The following ABCC8 variants were observed in gnomAD, a reference collection of about 807,000 sequenced individuals.
The protein encoded by ABCC8 is ATP-binding cassette sub-family C member 8.
Under a neutral mutation model 188.0 loss-of-function variants are expected in ABCC8, and 137 were observed. That is an observed-to-expected ratio of 0.73 (90% CI 0.63 to 0.84). The LOEUF (loss-of-function observed/expected upper bound fraction) is 0.84, where lower values mean the gene tolerates loss of function less well. Ranked by LOEUF, ABCC8 falls within the 40% of genes least tolerant of loss-of-function variation. The pLI, the probability that ABCC8 is intolerant of heterozygous loss-of-function variation, is 0.00. For missense variants in ABCC8, 1,750 were observed against 2,072.7 expected (o/e 0.84, Z 3.02); for synonymous variants, 797 against 846.5 (o/e 0.94, Z 1.01).
In ABCC8 at chr11:17,395,285, G is replaced by A. The variant is rs2133398967; in HGVS notation, c.4308-10C>T. On this transcript the variant is annotated splice_polypyrimidine_tract_variant and intron_variant, in intron 35 of 38. Coordinates refer to ENST00000389817, the MANE Select transcript of ABCC8 (RefSeq NM_000352.6). ...AGGGTCCAGGTTAAATCTGGAAGTG[G>A]CACAGAAAGCCCCAGTAGGGAGGGA... 4.5e-6 allele frequency: 7 copies of A among 1,571,954 alleles called. No homozygotes were observed. The highest frequency in any genetic ancestry group is 1.2e-5 in the South Asian group (1 of 85,814).
At chr11:17,465,026 A>G (rs557361064) in intron 3 of ABCC8, among the ~76,000 whole-genome samples, 13 of 152,240 alleles carry the variant, frequency 8.5e-5, no homozygotes, top group African/African-American at 3.1e-4. Context: ...GGGCCCCACC[A>G]TGCGCCCAGG....
At position 17,410,571 on chromosome 11, in the gene ABCC8, T is replaced by C; in HGVS notation, c.2639A>G (p.Lys880Arg). The stretch of plus-strand genomic sequence containing the variant: ...GTGGGTCACTAAGACCACTGTCCTC[T>C]TGTCGTCCCGGAGCAGCTCAAGGAT... ...AGILELLRDD[K>R]RTVVLVTHKL... Residue 880 changes from lysine (K) to arginine (R), a missense_variant, in exon 22 of 39, where the codon AAG (lysine) becomes AGG (arginine). Lys to Arg is a conservative substitution (Grantham distance 26). Coordinates refer to ENST00000389817, the MANE Select transcript of ABCC8 (RefSeq NM_000352.6). The C allele has an allele frequency of 6.2e-7, 1 of 1,614,122 alleles. No homozygotes were observed. The highest frequency in any genetic ancestry group is 8.5e-7 in the Non-Finnish European group (1 of 1,180,014).
chr11:17,473,690 A>G (rs1402957681), intron 2 of ABCC8, among the ~76,000 whole-genome samples: 2 of 152,108 alleles, frequency 1.3e-5, no homozygotes, highest in African/African-American at 2.4e-5. Flanking sequence ...GACTGCTGAC[A>G]CACCATTTCT....
chr11:17,469,056 T>TCTCTCCCTC (rs1554945918), intron 3 of ABCC8, among the ~76,000 whole-genome samples: 2 of 133,938 alleles, frequency 1.5e-5, no homozygotes, highest in African/African-American at 6.0e-5. Context: ...TCTCCCTCCC[T>TCTCTCCCTC]CCTCCCTCCC....
chr11:17,457,759 T>C (rs577660328), intron 6 of ABCC8, among the ~76,000 whole-genome samples: 1 of 152,330 alleles, frequency 6.6e-6, no homozygotes, highest in South Asian at 2.1e-4. Flanking sequence ...GAAATGTTCG[T>C]CCTTGCGGAT....
chr11:17,446,900 C>T, intron 8 of ABCC8, among the ~76,000 whole-genome samples: 1 of 152,212 alleles, frequency 6.6e-6, no homozygotes, highest in East Asian at 1.9e-4. Flanking sequence ...GAATCTTTAT[C>T]CCAAGAAGCA....
At chr11:17,467,063 C>CAT (rs1848202015) in intron 3 of ABCC8, among the ~76,000 whole-genome samples, 1 of 151,168 alleles carries the variant, frequency 6.6e-6, no homozygotes, top group Non-Finnish European at 1.5e-5. Flanking sequence ...CACACACACA[C>CAT]ACACACACAC....
intron 28 of ABCC8, among the ~76,000 whole-genome samples, chr11:17,403,031 C>G (rs535727055): frequency 2.6e-5 from 4 of 152,326 alleles, no homozygotes; most frequent in Admixed American, 1.3e-4. Flanking sequence ...GCCATCTGTC[C>G]CTGTACTTCT....
At position 17,427,618 on chromosome 11, in the gene ABCC8, TA is replaced by T. The variant is rs1955641467; in HGVS notation, c.2116+248del. 6.6e-6 allele frequency among the ~76,000 whole-genome samples: 1 copy of T among 152,190 alleles called. No individual in the cohort carries two copies. The highest frequency in any genetic ancestry group is 3.2e-3 in the Middle Eastern group (1 of 316). On this transcript the variant is annotated intron_variant, in intron 15 of 38. Transcript: ENST00000389817. This position sits in a 1 kb window ranked among gnomAD's most constrained non-coding sequence, Gnocchi z 5.0. The stretch of plus-strand genomic sequence containing the variant: ...ACCCACTTCTGATCTTTTTGTGCAT[TA>T]CCTATACTGTCTGCAATGGATGGTT...
At chr11:17,416,776 T>A (rs1475912467) in intron 17 of ABCC8, among the ~76,000 whole-genome samples, 154 bp downstream of exon 17, 5 of 152,212 alleles carry the variant, frequency 3.3e-5, no homozygotes, top group Non-Finnish European at 7.3e-5. Context: ...TTTGCCCTCA[T>A]TGAGAATGCA....
intron 16 of ABCC8, 27 bp from the exon 17 acceptor site, chr11:17,416,989 A>C (rs1591771481): frequency 6.2e-6 from 10 of 1,613,822 alleles, no homozygotes; most frequent in Non-Finnish European, 8.5e-6. Context: ...GGGACAGACC[A>C]ACACCAGTTA....
rs1451699241 is a variant in ABCC8 at position 17,402,653 on chromosome 11, A to ACT, written c.3650+6_3650+7dup. 4 of 1,613,946 alleles carry ACT rather than the reference A, an allele frequency of 2.5e-6. No homozygotes were observed. Among genetic ancestry groups the ACT allele is most frequent in the Middle Eastern group, 1.6e-4 (1 of 6,062 alleles). On this transcript the variant is annotated splice_region_variant and intron_variant, in intron 29 of 38. Coordinates refer to ENST00000389817, the MANE Select transcript of ABCC8 (RefSeq NM_000352.6). ...CCACTCCTACCTTGGGGGAATGTGG[A>ACT]CTCGTACCTGAAGGCCCGGATGGTG...
chr11:17,454,279 A>G (rs533422288), intron 6 of ABCC8, among the ~76,000 whole-genome samples: 1 of 152,272 alleles, frequency 6.6e-6, no homozygotes, highest in Non-Finnish European at 1.5e-5. Flanking sequence ...CTTGGATCAG[A>G]GCTTCCTGAT....
In ABCC8 at chr11:17,443,272, A is replaced by C; in HGVS notation, c.1373T>G (p.Val458Gly). The change falls in exon 9 of 39, where the codon GTC (valine) becomes GGC (glycine). Residue 458 changes from valine to glycine, a missense_variant. Physicochemically the swap from Val to Gly is moderately radical, Grantham distance 109 (BLOSUM62 -3). Coordinates refer to ENST00000389817, the MANE Select transcript of ABCC8 (RefSeq NM_000352.6). ...GVILLYYILG[V>G]SALIGAAVII... is the part of the protein sequence containing the mutation. ...GACAGCTGCTCCAATTAAGGCACTGACTCCGAGTATGTAGTAGAGGAGAAT... is the reference window on the plus strand; with the variant it reads ...GACAGCTGCTCCAATTAAGGCACTGCCTCCGAGTATGTAGTAGAGGAGAAT... 6.2e-7 allele frequency: 1 copy of C among 1,613,816 alleles called. No homozygotes were observed. The highest frequency in any genetic ancestry group is 2.2e-5 in the East Asian group (1 of 44,864).
chr11:17,426,332 T>C (rs776087123), intron 16 of ABCC8, among the ~76,000 whole-genome samples: 22 of 152,234 alleles, frequency 1.4e-4, no homozygotes, highest in Admixed American at 5.9e-4. Flanking sequence ...TTTCTCCACA[T>C]CCTCTCCAGC....
At chr11:17,410,780 T>C in intron 21 of ABCC8, 127 bp from the exon 22 acceptor site, 1 of 1,472,048 alleles carries the variant, frequency 6.8e-7, no homozygotes, top group Non-Finnish European at 9.3e-7. Context: ...GTTAGCTGTG[T>C]GGCTTTGGAC....
chr11:17,475,412 G>A (rs184717096), intron 1 of ABCC8, among the ~76,000 whole-genome samples: 13 of 152,104 alleles, frequency 8.5e-5, no homozygotes, highest in African/African-American at 1.2e-4. Flanking sequence ...AAAGGGCGGG[G>A]GGGGTCTCAC....
Position 17,410,696 on chromosome 11 carries a change from C to T in ABCC8, c.2557-43G>A, listed in dbSNP as rs754463617. On this transcript the variant is annotated intron_variant, in intron 21 of 38. Transcript: ENST00000389817. The stretch of plus-strand genomic sequence containing the variant: ...GAAGAGAGTAGAGGGTAGGGAAAGG[C>T]ATGGTGGGGAGGGGTGACAATGAGT... 6.8e-6 allele frequency: 11 copies of T among 1,612,044 alleles called. 1 individual carries two copies. Among genetic ancestry groups the T allele is most frequent in the South Asian group, 4.4e-5 (4 of 90,950 alleles).
At chr11:17,473,519 T>C (rs1848592076) in intron 2 of ABCC8, among the ~76,000 whole-genome samples, 1 of 152,070 alleles carries the variant, frequency 6.6e-6, no homozygotes, top group Non-Finnish European at 1.5e-5. Flanking sequence ...AGGAGTGCAG[T>C]CTGGGTATAA....
Sources: allele counts gnomAD v4.1 joint callset (sites outside exome capture counted in the v4.1 genomes callset), GRCh38; gene constraint gnomAD v4.1.1; non-coding constraint Gnocchi (gnomAD v3.1); transcripts MANE v1.5; gene names NCBI Gene and HGNC (gene_info 2026-07-23, HGNC 2026-07-21).